PHF8: variants seen among roughly 807,000 people sequenced by gnomAD.
PHF8 encodes PHD finger protein 8.
PHF8 carries 9 observed loss-of-function variants against 74.4 expected under a neutral mutation model. The observed-to-expected ratio is 0.12, with a 90% CI of 0.07 to 0.21. PHF8 has a LOEUF of 0.21. PHF8 is among the 10% of genes least tolerant of loss of function. The probability of loss-of-function intolerance (pLI) is 1.00; values close to 1 mark genes in which losing one functional copy is unlikely to be tolerated. For missense variants in PHF8, 478 were observed against 816.6 expected (o/e 0.59, Z 5.05); for synonymous variants, 311 against 316.6 (o/e 0.98, Z 0.19).
chrX:53,991,660 T>TC (rs1446410126), intron 14 of PHF8, among the ~76,000 whole-genome samples: 1 of 31,324 alleles, frequency 3.2e-5, no homozygotes, highest in Non-Finnish European at 4.9e-5. Context: ...AGACTCTGTC[T>TC]CAAAAAAAAA....
intron 18 of PHF8, among the ~76,000 whole-genome samples, chrX:53,980,185 G>C (rs781876776): frequency 9.0e-6 from 1 of 111,251 alleles, no homozygotes; most frequent in South Asian, 3.8e-4. Context: ...AGAGGAGGAG[G>C]ATATTATGGG....
intron 19 of PHF8, among the ~76,000 whole-genome samples, chrX:53,958,277 T>A (rs1262847291): frequency 6.5e-5 from 7 of 107,627 alleles, no homozygotes; most frequent in African/African-American, 2.4e-4. Context: ...CCTGACCTCG[T>A]GATCCGCTCA....
intron 8 of PHF8, among the ~76,000 whole-genome samples, chrX:54,010,235 C>T (rs2065963792): frequency 9.0e-6 from 1 of 110,904 alleles, no homozygotes; most frequent in African/African-American, 3.3e-5. Context: ...GCAAGAGAAT[C>T]TCTTGAGCCT....
intron 13 of PHF8, among the ~76,000 whole-genome samples, chrX:53,993,171 C>T (rs2065694523): frequency 9.0e-6 from 1 of 111,337 alleles, no homozygotes; most frequent in African/African-American, 3.3e-5. Flanking sequence ...AAGACTACAA[C>T]CTGACACACG....
intron 18 of PHF8, among the ~76,000 whole-genome samples, chrX:53,971,911 G>A (rs1453419564): frequency 9.0e-6 from 1 of 111,515 alleles, no homozygotes; most frequent in Non-Finnish European, 1.9e-5. Context: ...GTACAAAGAA[G>A]AGCTGGTACC....
intron 19 of PHF8, among the ~76,000 whole-genome samples, chrX:53,948,745 C>T (rs1176523852): frequency 9.0e-6 from 1 of 111,168 alleles, no homozygotes; most frequent in East Asian, 2.8e-4. Context: ...AATTGTCGGC[C>T]GGGCACGGTG....
At chrX:54,035,931 G>C (rs1339739939) in intron 2 of PHF8, among the ~76,000 whole-genome samples, 1 of 110,033 alleles carries the variant, frequency 9.1e-6, no homozygotes, top group Non-Finnish European at 1.9e-5. Context: ...GACGAACATG[G>C]AGAAACCCCG....
chrX:53,969,691 C>A (rs2065264358), intron 18 of PHF8, among the ~76,000 whole-genome samples: 1 of 112,045 alleles, frequency 8.9e-6, no homozygotes, highest in Non-Finnish European at 1.9e-5. Flanking sequence ...AAGAACAAAG[C>A]TGGAAGCCTC....
chrX:53,993,418 C>T (rs1348283767), intron 13 of PHF8, among the ~76,000 whole-genome samples, 183 bp downstream of exon 13: 2 of 112,020 alleles, frequency 1.8e-5, no homozygotes, highest in African/African-American at 6.5e-5. Context: ...ATCCACAGCA[C>T]CTATCACAGT....
chrX:53,992,602 A>G, intron 14 of PHF8, 134 bp downstream of exon 14: 1 of 497,248 alleles, frequency 2.0e-6, no homozygotes, highest in Non-Finnish European at 3.6e-6. Flanking sequence ...ATACATTATA[A>G]TATCTAGGTA....
chrX:54,044,770 G>A, upstream of PHF8: 1 of 638,847 alleles, frequency 1.6e-6, no homozygotes, highest in South Asian at 3.2e-5. Context: ...CTCCTCCCCA[G>A]CCTTCTCCTC....
At chrX:53,953,287 C>T (rs1312228583) in intron 19 of PHF8, among the ~76,000 whole-genome samples, 11 of 95,907 alleles carry the variant, frequency 1.1e-4, no homozygotes, top group Non-Finnish European at 1.9e-4. Context: ...AAAAAAAAAA[C>T]AAAACAACAA....
chrX:54,030,016 T>C (rs1557112223), intron 2 of PHF8, among the ~76,000 whole-genome samples: 1 of 110,463 alleles, frequency 9.1e-6, no homozygotes. Context: ...GCCTCTGGGT[T>C]TCATCACAGG....
chrX:53,991,804 C>T (rs1279136025), intron 14 of PHF8, among the ~76,000 whole-genome samples: 1 of 110,094 alleles, frequency 9.1e-6, no homozygotes, highest in Admixed American at 9.8e-5. Flanking sequence ...GGAGTTAGAG[C>T]TCAGCCTGGG....
chrX:53,985,893 A>G lies in PHF8; in HGVS notation c.2052T>C (p.Asn684=), dbSNP rs2065556207. ...MVEGVEGKLG[N]GSGAGGILDL... is the part of the protein sequence containing the mutation. ...CAAGAATGCCACCAGCGCCACTACC[A>G]TTCCCAAGCTTGCCTTCAACCCCTT... is the stretch of plus-strand genomic sequence containing the variant. Residue 684 remains asparagine (N), a synonymous_variant, in exon 17 of 22, where the codon AAT becomes AAC. Coordinates refer to ENST00000338154, the MANE Select transcript of PHF8 (RefSeq NM_015107.3). 3 of 1,206,382 alleles carry G rather than the reference A, an allele frequency of 2.5e-6. No individual in the cohort carries two copies. The highest frequency in any genetic ancestry group is 1.8e-5 in the African/African-American group (1 of 56,807).
At chrX:54,023,106 G>C (rs1352362683) in intron 2 of PHF8, among the ~76,000 whole-genome samples, 2 of 110,797 alleles carry the variant, frequency 1.8e-5, no homozygotes, top group South Asian at 3.8e-4. Context: ...CTCCCAATTA[G>C]CTGGGATTAT....
At chrX:54,045,406 G>A (rs1489373632), upstream of PHF8, among the ~76,000 whole-genome samples, 1 of 112,529 alleles carries the variant, frequency 8.9e-6, no homozygotes, top group Non-Finnish European at 1.9e-5. Context: ...AAATGTGTGC[G>A]TGCACACAAT....
rs781901722 is a variant in PHF8 at position 53,952,887 on chromosome X, C to CAA, written c.2540-8646_2540-8645dup. Among the ~76,000 whole-genome samples the CAA allele has an allele frequency of 7.7e-3, 346 of 44,838 alleles. 2 individuals are homozygous for CAA. Among genetic ancestry groups the CAA allele is most frequent in the African/African-American group, 0.025 (331 of 13,015 alleles). The allele number at this position is 44,838 out of a possible 115,157, so 38.9% of individuals were successfully genotyped here. On this transcript the variant is annotated intron_variant, in intron 19 of 21. Transcript: ENST00000338154. ...TGGGCGACACAGCGAGACTCTGCCT[C>CAA]AAAAAAAAAAAAAAAAGAAAGAAAG...
At chrX:54,029,927 A>G (rs56311927) in intron 2 of PHF8, among the ~76,000 whole-genome samples, 3 of 110,823 alleles carry the variant, frequency 2.7e-5, no homozygotes, top group Non-Finnish European at 3.8e-5. Flanking sequence ...CCATGTGACT[A>G]TAACGATTGC....
Sources: gnomAD v4.1 joint callset for allele counts (sites outside exome capture counted in the v4.1 genomes callset) on GRCh38, gnomAD v4.1.1 for gene constraint, MANE v1.5 for transcripts, NCBI Gene and HGNC (gene_info 2026-07-23, HGNC 2026-07-21) for gene names.